PUS7: variants seen among roughly 807,000 people sequenced by gnomAD.
The protein encoded by PUS7 is pseudouridylate synthase 7 homolog.
Under a neutral mutation model 79.8 loss-of-function variants are expected in PUS7, and 48 were observed. The observed-to-expected ratio is 0.60, with a 90% CI of 0.48 to 0.76. The LOEUF (loss-of-function observed/expected upper bound fraction) is 0.76, where lower values mean the gene tolerates loss of function less well. Among genes scored for constraint, PUS7 ranks in the 30% least tolerant of loss-of-function variants. The pLI is 0.00. For missense variants in PUS7, 729 were observed against 797.6 expected (o/e 0.91, Z 1.04); for synonymous variants, 286 against 272.2 (o/e 1.05, Z -0.50).
At chr7:105,514,049 T>C (rs1825799766) in intron 1 of PUS7, among the ~76,000 whole-genome samples, 1 of 132,426 alleles carries the variant, frequency 7.6e-6, no homozygotes, top group African/African-American at 2.7e-5. Flanking sequence ...GCTAACATGG[T>C]GAAACCCCGT....
intron 6 of PUS7, among the ~76,000 whole-genome samples, chr7:105,494,427 T>TG (rs1766798465): frequency 1.4e-5 from 2 of 147,634 alleles, no homozygotes; most frequent in Non-Finnish European, 3.0e-5. Context: ...TTTTTTTTTT[T>TG]TGAGATGGAG....
At chr7:105,502,607 A>C (rs1562813894) in intron 4 of PUS7, 43 bp from the exon 5 acceptor site, 1 of 1,597,446 alleles carries the variant, frequency 6.3e-7, no homozygotes, top group Admixed American at 1.7e-5. Context: ...GTTAACAAAC[A>C]TTAAATAGGG....
At chr7:105,478,806 T>C (rs1206720546) in intron 9 of PUS7, among the ~76,000 whole-genome samples, 2 of 152,244 alleles carry the variant, frequency 1.3e-5, no homozygotes, top group African/African-American at 2.4e-5. Flanking sequence ...AATATTCTTA[T>C]GTTGTGAAAA....
At chr7:105,470,900 C>T (rs781291503) in intron 10 of PUS7, 52 bp from the exon 11 acceptor site, 2 of 1,488,278 alleles carry the variant, frequency 1.3e-6, no homozygotes, top group Non-Finnish European at 9.0e-7. Context: ...GACAGACTTC[C>T]ATAACTTAAA....
chr7:105,494,452 C>T (rs1006307604), intron 6 of PUS7, among the ~76,000 whole-genome samples: 2 of 140,164 alleles, frequency 1.4e-5, no homozygotes, highest in Non-Finnish European at 3.0e-5. Flanking sequence ...GCTCTGTTGC[C>T]AGGCTGGAGT....
intron 7 of PUS7, among the ~76,000 whole-genome samples, chr7:105,484,072 C>T (rs1176113455): frequency 6.6e-6 from 1 of 152,124 alleles, no homozygotes; most frequent in Non-Finnish European, 1.5e-5. Context: ...TTTTGTCCAA[C>T]AATGATAATA....
intron 4 of PUS7, among the ~76,000 whole-genome samples, chr7:105,503,380 T>C (rs1287352567): frequency 6.6e-6 from 1 of 152,204 alleles, no homozygotes; most frequent in Non-Finnish European, 1.5e-5. Flanking sequence ...TATTGAATTA[T>C]ATTCTGAATT....
At chr7:105,461,584 G>A (rs818462) in intron 14 of PUS7, among the ~76,000 whole-genome samples, 150,602 of 152,294 alleles carry the variant, frequency 0.99, 74,476 homozygotes, top group East Asian at 1. Context: ...AACAATAGTA[G>A]TAATAACAAT....
rs1472876149 is a variant in PUS7, at chr7:105,460,929, G to A, written c.1758-1670C>T. ...GTCACCCAGGCTGGAGGGCAGTGGC[G>A]TGATCACAGCTTACTGCAGCCTCGA... On this transcript the variant is annotated intron_variant, in intron 14 of 15. Transcript: ENST00000469408. Among the ~76,000 whole-genome samples the A allele has an allele frequency of 4.6e-5, 7 of 151,734 alleles. No homozygotes were observed. The East Asian group carries it at 5.8e-4, about 13-fold the overall frequency.
At chr7:105,507,714 G>T (rs890082820) in intron 2 of PUS7, among the ~76,000 whole-genome samples, 2 of 151,638 alleles carry the variant, frequency 1.3e-5, no homozygotes, top group African/African-American at 4.8e-5. Context: ...GCTAATTTTT[G>T]TATTTTTAGT....
intron 11 of PUS7, among the ~76,000 whole-genome samples, chr7:105,470,052 G>A (rs1342445705): frequency 6.6e-6 from 1 of 152,202 alleles, no homozygotes; most frequent in Non-Finnish European, 1.5e-5. Context: ...CAAGCTAACA[G>A]TGCTTTTTTC....
chr7:105,487,136 T>C (rs1226568387), intron 7 of PUS7, among the ~76,000 whole-genome samples: 1 of 152,168 alleles, frequency 6.6e-6, no homozygotes, highest in Non-Finnish European at 1.5e-5. Context: ...AAAGTGTACA[T>C]GCCAGTGATT....
intron 1 of PUS7, among the ~76,000 whole-genome samples, chr7:105,510,670 C>T (rs1002982437): frequency 3.3e-5 from 5 of 151,936 alleles, no homozygotes; most frequent in Admixed American, 6.6e-5. Context: ...TGTACCACCA[C>T]GCCTGGCTAA....
chr7:105,467,034 G>GTTTTTTTTTT (rs56177512), intron 12 of PUS7, among the ~76,000 whole-genome samples: 10 of 70,696 alleles, frequency 1.4e-4, no homozygotes, highest in African/African-American at 2.4e-4. Flanking sequence ...AGTTTTTTCT[G>GTTTTTTTTTT]TTTTTTTTTT....
chr7:105,505,759 G>C (rs188738021), intron 4 of PUS7, among the ~76,000 whole-genome samples, 196 bp downstream of exon 4: 16 of 152,128 alleles, frequency 1.1e-4, no homozygotes, highest in East Asian at 5.8e-4. Context: ...TGTAACTTTG[G>C]GGGGGGCTAT....
Position 105,508,102 on chromosome 7 carries a change from A to G in PUS7, c.398+13T>C. 1 of 1,594,850 alleles carries G rather than the reference A, an allele frequency of 6.3e-7. No homozygotes were observed. Among genetic ancestry groups the G allele is most frequent in the Non-Finnish European group, 8.5e-7 (1 of 1,170,912 alleles). ...ATACAATCAAAATAACTTTATTCATAAACTAAATGTACCTTTCTTTTAAGA... is the reference window on the plus strand; with the variant it reads ...ATACAATCAAAATAACTTTATTCATGAACTAAATGTACCTTTCTTTTAAGA... On this transcript the variant is annotated intron_variant, in intron 2 of 15. Transcript: ENST00000469408.
chr7:105,472,402 T>C (rs974605220), intron 9 of PUS7, among the ~76,000 whole-genome samples: 1 of 152,116 alleles, frequency 6.6e-6, no homozygotes, highest in Admixed American at 6.6e-5. Flanking sequence ...CACACCACCA[T>C]ACCTGGCTAA....
chr7:105,491,863 C>T (rs1419047443), intron 6 of PUS7, among the ~76,000 whole-genome samples: 1 of 151,958 alleles, frequency 6.6e-6, no homozygotes, highest in Non-Finnish European at 1.5e-5. Context: ...TCAAGACCAG[C>T]CTAACCAATA....
chr7:105,507,998 C>G (rs1825540237), intron 2 of PUS7, 117 bp downstream of exon 2: 1 of 1,320,220 alleles, frequency 7.6e-7, no homozygotes, highest in Non-Finnish European at 1.0e-6. Flanking sequence ...TCCTTTTGAT[C>G]AGTAGTATAA....
Sources: allele counts gnomAD v4.1 joint callset (sites outside exome capture counted in the v4.1 genomes callset), GRCh38; gene constraint gnomAD v4.1.1; transcripts MANE v1.5; gene names NCBI Gene and HGNC (gene_info 2026-07-23, HGNC 2026-07-21).